Variants in BPIFB6 observed in about 807,000 individuals in gnomAD.
The protein encoded by BPIFB6 is BPI fold-containing family B member 6.
BPIFB6 carries 47 observed loss-of-function variants against 54.7 expected under a neutral mutation model. That is an observed-to-expected ratio of 0.86 (90% CI 0.68 to 1.10). The LOEUF (loss-of-function observed/expected upper bound fraction) is 1.10. BPIFB6 is among the 50% of genes least tolerant of loss of function. The pLI is 0.00. For missense variants in BPIFB6, 603 were observed against 564.1 expected, an observed-to-expected ratio of 1.07 and a Z score of -0.70; for synonymous variants, 255 against 225.9, an observed-to-expected ratio of 1.13 and a Z score of -1.16.
intron 2 of BPIFB6, chr20:33,033,605 C>A: frequency 2.2e-6 from 1 of 456,836 alleles, no homozygotes; most frequent in South Asian, 1.5e-5. Flanking sequence ...TCAGGATGGG[C>A]AAGTGGGGGT....
chr20:33,040,125 G>A (rs1979515828), intron 10 of BPIFB6, 126 bp from the exon 11 acceptor site: 5 of 844,004 alleles, frequency 5.9e-6, no homozygotes. Flanking sequence ...AGGATGGGCA[G>A]AGAGAAGATC....
chr20:33,041,138 C>T (rs966999453), intron 11 of BPIFB6, among the ~76,000 whole-genome samples: 4 of 151,968 alleles, frequency 2.6e-5, no homozygotes, highest in East Asian at 1.9e-4. Flanking sequence ...TACAGGCGCC[C>T]GCCACCACGC....
chr20:33,041,153 C>T lies in BPIFB6; in HGVS notation c.1143-817C>T, dbSNP rs184026668. On this transcript the variant is annotated intron_variant, in intron 11 of 14. Coordinates refer to ENST00000349552, the MANE Select transcript of BPIFB6 (RefSeq NM_174897.2). ...TACAGGCGCCCGCCACCACGCCTGGCTAATTTTTTGTATTTTTAGTAGAGA... is the reference window on the plus strand; with the variant it reads ...TACAGGCGCCCGCCACCACGCCTGGTTAATTTTTTGTATTTTTAGTAGAGA... Among the ~76,000 whole-genome samples the T allele has an allele frequency of 4.2e-3, 634 of 152,104 alleles. 3 individuals carry two copies. The highest frequency in any genetic ancestry group is 0.015 in the African/African-American group (610 of 41,486).
chr20:33,032,578 C>G (rs1329144749), intron 1 of BPIFB6, among the ~76,000 whole-genome samples: 1 of 152,206 alleles, frequency 6.6e-6, no homozygotes, highest in Non-Finnish European at 1.5e-5. Context: ...TGTCTGTCCT[C>G]ACCCTCCAGC....
At chr20:33,036,213 G>A (rs145010458) in intron 6 of BPIFB6, among the ~76,000 whole-genome samples, 2 of 152,174 alleles carry the variant, frequency 1.3e-5, no homozygotes, top group African/African-American at 4.8e-5. Context: ...GGTCCAAGCA[G>A]TGATGGCCTT....
chr20:33,040,204 G>T, intron 10 of BPIFB6, 47 bp from the exon 11 acceptor site: 2 of 1,571,346 alleles, frequency 1.3e-6, no homozygotes, highest in Non-Finnish European at 1.8e-6. Flanking sequence ...CAGCCCTGAT[G>T]GTGGGGAACC....
intron 7 of BPIFB6, 46 bp downstream of exon 7, chr20:33,036,582 G>C: frequency 1.5e-5 from 23 of 1,514,530 alleles, no homozygotes; most frequent in Non-Finnish European, 2.1e-5. Flanking sequence ...AGGCTCACTG[G>C]TCTGGGTAGT....
chr20:33,040,244 A>G lies in BPIFB6; in HGVS notation c.1075-7A>G, dbSNP rs372223306. On this transcript the variant is annotated splice_polypyrimidine_tract_variant and splice_region_variant and intron_variant, in intron 10 of 14. Transcript: ENST00000349552. ...GCCTTCTCCCTGCTTCCTCCCCACC[A>G]TGCCAGCACTTCAATCTGAAGGTCC... 1.4e-5 allele frequency: 22 copies of G among 1,613,862 alleles called. No individual in the cohort carries two copies. The highest frequency in any genetic ancestry group is 2.5e-6 in the Non-Finnish European group (3 of 1,179,892).
intron 5 of BPIFB6, 100 bp from the exon 6 acceptor site, chr20:33,035,512 T>A: frequency 7.9e-7 from 1 of 1,262,980 alleles, no homozygotes; most frequent in South Asian, 1.2e-5. Context: ...CCAGTCCCTG[T>A]CCCACCAGGG....
intron 8 of BPIFB6, among the ~76,000 whole-genome samples, chr20:33,038,145 T>C (rs545465632): frequency 5.3e-5 from 8 of 152,252 alleles, no homozygotes; most frequent in African/African-American, 9.6e-5. Flanking sequence ...CAAAGTCTGA[T>C]ACTGTTGAAT....
In BPIFB6 at chr20:33,040,295, G is replaced by T; in HGVS notation, c.1119G>T (p.Leu373=). 2 of 1,614,108 alleles carry T rather than the reference G, an allele frequency of 1.2e-6. No homozygotes were observed. The highest frequency in any genetic ancestry group is 1.7e-6 in the Non-Finnish European group (2 of 1,180,002). Reference sequence around the variant, plus strand: ...AGTACTCAGTGCATGAGAACCAGCTGCAGATGGCCACTTCTTTGGACAGGT... The same window carrying T: ...AGTACTCAGTGCATGAGAACCAGCTTCAGATGGCCACTTCTTTGGACAGGT... ...KVQYSVHENQ[L]QMATSLDRLL... Residue 373 remains leucine, a synonymous_variant, in exon 11 of 15, where the codon CTG becomes CTT. Coordinates refer to ENST00000349552, the MANE Select transcript of BPIFB6 (RefSeq NM_174897.2).
At chr20:33,038,282 C>T (rs74953993) in intron 8 of BPIFB6, among the ~76,000 whole-genome samples, 4 of 152,218 alleles carry the variant, frequency 2.6e-5, no homozygotes, top group South Asian at 2.1e-4. Context: ...CCCACATGTC[C>T]GTTCATTCCC....
At position 33,034,199 on chromosome 20, in the gene BPIFB6, G is replaced by T. The variant is rs41293140; in HGVS notation, c.211G>T (p.Asp71Tyr). Residue 71 changes from aspartate (D) to tyrosine (Y), a missense_variant, in exon 3 of 15, where the codon GAT becomes TAT. Transcript: ENST00000349552. ...GTCCCTTCCCAGTTTGAAGGTGAAG[G>T]ATGTCCAGCTGCCCGTCATCACACT... ...IKGITNLKVKDVQLPVITLNF... is the reference protein window; with the variant it reads ...IKGITNLKVKYVQLPVITLNF... 70 of 1,613,826 alleles carry T rather than the reference G, an allele frequency of 4.3e-5. No homozygotes were observed. Among genetic ancestry groups the T allele is most frequent in the Non-Finnish European group, 5.9e-5 (70 of 1,179,852 alleles).
chr20:33,035,404 G>A (rs889873444), intron 5 of BPIFB6, among the ~76,000 whole-genome samples: 12 of 152,080 alleles, frequency 7.9e-5, no homozygotes, highest in African/African-American at 1.7e-4. Flanking sequence ...AAAGAGTCCC[G>A]GCTAATTTTT....
chr20:33,032,080 G>A (rs574860760), intron 1 of BPIFB6, among the ~76,000 whole-genome samples: 189 of 152,302 alleles, frequency 1.2e-3, no homozygotes, highest in African/African-American at 4.5e-3. Flanking sequence ...AACTTGCTGT[G>A]TGACCTCAGG....
At chr20:33,036,562 C>T (rs6059035) in intron 7 of BPIFB6, 26 bp downstream of exon 7, 636,136 of 1,595,126 alleles carry the variant, frequency 0.4, 131,502 homozygotes, top group East Asian at 0.75. Context: ...CACCTGGGAG[C>T]TGGGGTCTCA....
chr20:33,035,581 C>A, intron 5 of BPIFB6, 31 bp from the exon 6 acceptor site: 1 of 1,612,006 alleles, frequency 6.2e-7, no homozygotes. Flanking sequence ...ATGCAGGGAC[C>A]CTCTCAGCCC....
intron 13 of BPIFB6, 146 bp from the exon 14 acceptor site, chr20:33,043,145 T>A: frequency 1.3e-6 from 1 of 782,364 alleles, no homozygotes; most frequent in Admixed American, 2.1e-5. Context: ...ACATTGCAAA[T>A]CAGGCTTATT....
At chr20:33,037,501 A>G in intron 7 of BPIFB6, 61 bp from the exon 8 acceptor site, 1 of 1,507,152 alleles carries the variant, frequency 6.6e-7, no homozygotes. Flanking sequence ...GAGGACTGAG[A>G]CACTCCTGGC....
Sources: gnomAD v4.1 joint callset for allele counts (sites outside exome capture counted in the v4.1 genomes callset) on GRCh38, gnomAD v4.1.1 for gene constraint, MANE v1.5 for transcripts, NCBI Gene and HGNC (gene_info 2026-07-23, HGNC 2026-07-21) for gene names.